The following LTBR variants were observed in gnomAD, a reference collection of about 807,000 sequenced individuals.
LTBR encodes the protein lymphotoxin beta receptor.
In LTBR, 15 loss-of-function variants were observed where a neutral mutation model predicts 45.4. The observed-to-expected ratio is 0.33, with a 90% CI of 0.22 to 0.51. LTBR has a LOEUF of 0.51. Among genes scored for constraint, LTBR ranks in the 20% least tolerant of loss-of-function variants. The pLI, the probability that LTBR is intolerant of heterozygous loss-of-function variation, is 0.97. For missense variants in LTBR, 450 were observed against 565.5 expected (o/e 0.80, Z 2.07); for synonymous variants, 228 against 231.0 (o/e 0.99, Z 0.12).
Position 6,384,601 on chromosome 12 carries a change from C to T in LTBR, c.110C>T (p.Ala37Val), listed in dbSNP as rs750707234. Residue 37 changes from alanine to valine, a missense_variant, in exon 2 of 10, where the codon GCG becomes GTG. Ala to Val is a moderately conservative substitution (Grantham distance 64). Around this residue, in one of 3 missense-constraint regions of LTBR, gnomAD observed 367 missense variants for 435.4 expected, o/e 0.84. Transcript: ENST00000228918. ...CTCCCTTTGAAGGTGCCTCCATATG[C>T]GTCGGAGAACCAGACCTGCAGGGAC... ...ASQPQAVPPY[A>V]SENQTCRDQE... The T allele has an allele frequency of 3.1e-6, 5 of 1,613,958 alleles. No individual in the cohort carries two copies. In the African/African-American group the frequency reaches 5.3e-5, roughly 17 times the overall value.
rs946714439 is a variant in LTBR, at chr12:6,386,293, G to C, written c.570-54G>C. Reference sequence around the variant, plus strand: ...GCCTCCCCGCCTGCCCAGTGGAGTCGGGACACTGGTGGGCCAGGGCGTGAA... The same window carrying C: ...GCCTCCCCGCCTGCCCAGTGGAGTCCGGACACTGGTGGGCCAGGGCGTGAA... On this transcript the variant is annotated intron_variant, in intron 5 of 9. Transcript: ENST00000228918. This position sits in a 1 kb window ranked among gnomAD's most constrained non-coding sequence, Gnocchi z 4.1. 1.3e-6 allele frequency: 2 copies of C among 1,540,980 alleles called. No homozygotes were observed. Among genetic ancestry groups the C allele is most frequent in the Non-Finnish European group, 1.8e-6 (2 of 1,115,456 alleles).
upstream of LTBR, among the ~76,000 whole-genome samples, chr12:6,381,110 G>A (rs1416708894): frequency 6.6e-6 from 1 of 152,092 alleles, no homozygotes; most frequent in Non-Finnish European, 1.5e-5. Context: ...GTTTAACACA[G>A]AGAACTAACT....
intron 6 of LTBR, chr12:6,387,898 A>G (rs1167011116): frequency 4.4e-6 from 2 of 454,140 alleles, no homozygotes; most frequent in Non-Finnish European, 8.9e-6. Flanking sequence ...CACCCCTGTA[A>G]ACACCCCCAC....
chr12:6,381,711 A>C (rs1450830134), upstream of LTBR, among the ~76,000 whole-genome samples: 2 of 152,210 alleles, frequency 1.3e-5, no homozygotes, highest in Non-Finnish European at 2.9e-5. Context: ...GCCGTGGCTC[A>C]CGCCTGTAAT....
At chr12:6,390,435 C>A in intron 9 of LTBR, 95 bp downstream of exon 9, 2 of 1,107,496 alleles carry the variant, frequency 1.8e-6, no homozygotes, top group South Asian at 1.5e-5. Context: ...AAGACCAAAA[C>A]AGAGGCAGAC....
intron 6 of LTBR, chr12:6,387,910 G>A: frequency 2.2e-6 from 1 of 450,952 alleles, no homozygotes; most frequent in Non-Finnish European, 4.5e-6. Context: ...CACCCCCACA[G>A]GTACAGGTAC....
Position 6,388,769 on chromosome 12 carries a change from G to A in LTBR, c.776-31G>A, listed in dbSNP as rs756696160. 5.1e-5 allele frequency: 82 copies of A among 1,613,848 alleles called. No homozygotes were observed. Among genetic ancestry groups the A allele is most frequent in the East Asian group, 4.5e-4 (20 of 44,892 alleles). On this transcript the variant is annotated intron_variant, in intron 7 of 9. Coordinates refer to ENST00000228918, the MANE Select transcript of LTBR (RefSeq NM_002342.3). The surrounding 1 kb of genome is among the most constrained non-coding windows in gnomAD (Gnocchi z 4.3). ...AAGGCTAGGTCTGAGGCCTGCCGGG[G>A]AGCCTACACCCATTTCATTCTCCAT...
At position 6,390,239 on chromosome 12, in the gene LTBR, C is replaced by T. The variant is rs767210693; in HGVS notation, c.929C>T (p.Ala310Val). 4.3e-6 allele frequency: 7 copies of T among 1,614,064 alleles called. No individual in the cohort carries two copies. Among genetic ancestry groups the T allele is most frequent in the Non-Finnish European group, 5.9e-6 (7 of 1,179,984 alleles). Residue 310 changes from alanine (A) to valine (V), a missense_variant, in exon 9 of 10, where the codon GCA becomes GTA. By Grantham distance (64) the Ala-to-Val change is moderately conservative. Coordinates refer to ENST00000228918, the MANE Select transcript of LTBR (RefSeq NM_002342.3). Reference sequence around the variant, plus strand: ...TCCCCAGTATCCACTGGGCTCCCCGCAGCCCCAGTTTTGGAGGCAGGGGTG... The same window carrying T: ...TCCCCAGTATCCACTGGGCTCCCCGTAGCCCCAGTTTTGGAGGCAGGGGTG... ...DVSPVSTGLP[A>V]APVLEAGVPQ...
chr12:6,375,299 C>T (rs62624478), upstream of LTBR: 3,274 of 1,438,638 alleles, frequency 2.3e-3, 42 homozygotes, highest in African/African-American at 0.033. Context: ...CCTCTCCCCC[C>T]CTTGCCTTGC....
At position 6,388,766 on chromosome 12, in the gene LTBR, G is replaced by A. The variant is rs373095649; in HGVS notation, c.776-34G>A. 8.1e-6 allele frequency: 13 copies of A among 1,613,664 alleles called. No individual in the cohort carries two copies. Among genetic ancestry groups the A allele is most frequent in the South Asian group, 7.7e-5 (7 of 91,032 alleles). On this transcript the variant is annotated intron_variant, in intron 7 of 9. Transcript: ENST00000228918. The surrounding 1 kb of genome is among the most constrained non-coding windows in gnomAD (Gnocchi z 4.3). Reference sequence around the variant, plus strand: ...TGAAAGGCTAGGTCTGAGGCCTGCCGGGGAGCCTACACCCATTTCATTCTC... The same window carrying A: ...TGAAAGGCTAGGTCTGAGGCCTGCCAGGGAGCCTACACCCATTTCATTCTC...
intron 1 of LTBR, among the ~76,000 whole-genome samples, chr12:6,378,891 G>T (rs1347195559): frequency 6.7e-6 from 1 of 150,062 alleles, no homozygotes; most frequent in African/African-American, 2.4e-5. Flanking sequence ...CCCAACACCA[G>T]CTATCCTCTA....
intron 1 of LTBR, among the ~76,000 whole-genome samples, chr12:6,378,702 G>T (rs1053048852): frequency 7.2e-5 from 11 of 152,128 alleles, no homozygotes; most frequent in Non-Finnish European, 1.0e-4. Flanking sequence ...TGAAAACCAG[G>T]CCACTCCTTT....
chr12:6,380,791 G>A (rs773120870), upstream of LTBR, among the ~76,000 whole-genome samples: 16 of 152,094 alleles, frequency 1.1e-4, no homozygotes, highest in Non-Finnish European at 2.2e-4. Context: ...TCTCTCAGCA[G>A]CTCCTTCGGA....
At chr12:6,380,363 G>A (rs1948971558), upstream of LTBR, among the ~76,000 whole-genome samples, 1 of 152,158 alleles carries the variant, frequency 6.6e-6, no homozygotes, top group Non-Finnish European at 1.5e-5. Flanking sequence ...TGGAGAAGAA[G>A]AGAGAAAGAA....
intron 1 of LTBR, chr12:6,376,168 C>T: frequency 1.0e-6 from 1 of 985,824 alleles, no homozygotes; most frequent in Non-Finnish European, 1.2e-6. Context: ...AGGTCTCCTC[C>T]CCGCTCACTA....
chr12:6,383,216 C>T (rs1041711228), upstream of LTBR, among the ~76,000 whole-genome samples: 3 of 151,856 alleles, frequency 2.0e-5, no homozygotes, highest in African/African-American at 4.8e-5. Context: ...GTTAGGAAGA[C>T]GGAAACTTGG....
chr12:6,376,371 C>T (rs1430417733), intron 1 of LTBR, among the ~76,000 whole-genome samples: 4 of 152,216 alleles, frequency 2.6e-5, no homozygotes, highest in African/African-American at 9.7e-5. Flanking sequence ...AATGTGTAAT[C>T]GCCCCTGCTG....
chr12:6,381,845 C>T (rs956527523), upstream of LTBR, among the ~76,000 whole-genome samples: 3 of 152,156 alleles, frequency 2.0e-5, no homozygotes, highest in Admixed American at 2.0e-4. Flanking sequence ...TGGTGGCAGG[C>T]GCCCGTAATC....
At chr12:6,377,403 C>T (rs1008192462) in intron 1 of LTBR, 2 of 767,654 alleles carry the variant, frequency 2.6e-6, no homozygotes, top group African/African-American at 3.5e-5. Flanking sequence ...ATTCAGAATT[C>T]TCCTCCTCCT....
Sources: gnomAD v4.1 joint callset for allele counts (sites outside exome capture counted in the v4.1 genomes callset) on GRCh38, gnomAD v4.1.1 for gene constraint, gnomAD v4.1.1 regional missense constraint, Gnocchi (gnomAD v3.1) non-coding constraint, MANE v1.5 for transcripts, NCBI Gene and HGNC (gene_info 2026-07-23, HGNC 2026-07-21) for gene names.